Variants in TSPAN15 observed in about 807,000 individuals in gnomAD.
TSPAN15 encodes tetraspanin 15.
In TSPAN15, 20 loss-of-function variants were observed where a neutral mutation model predicts 34.5. The observed-to-expected ratio is 0.58, with a 90% confidence interval of 0.41 to 0.84. The LOEUF is 0.84. Ranked by LOEUF, TSPAN15 falls within the 40% of genes least tolerant of loss-of-function variation. The probability of loss-of-function intolerance (pLI) is 0.00; values close to 1 mark genes in which losing one functional copy is unlikely to be tolerated. For synonymous variants in TSPAN15, 155 were observed against 153.9 expected, an observed-to-expected ratio of 1.01 and a Z score of -0.05; for missense variants, 313 against 386.1, an observed-to-expected ratio of 0.81 and a Z score of 1.59.
the TSPAN15 span, among the ~76,000 whole-genome samples, chr10:69,530,808 CT>C: frequency 1.4e-5 from 1 of 69,118 alleles, no homozygotes; most frequent in African/African-American, 5.6e-5. Flanking sequence ...CTCTCTCTCT[CT>C]CTCTCTCTCT....
intron 1 of TSPAN15, among the ~76,000 whole-genome samples, chr10:69,460,777 C>CGCAGAGAGGAGTGGAGATGAGTCTTA (rs1589622755): frequency 6.6e-6 from 1 of 152,006 alleles, no homozygotes; most frequent in East Asian, 1.9e-4. Flanking sequence ...AGGGAGGCCT[C>CGCAGAGAGGAGTGGAGATGAGTCTTA]GCAGAGAGGA....
intron 4 of TSPAN15, 37 bp downstream of exon 4, chr10:69,495,726 G>A (rs375820546): frequency 2.8e-5 from 41 of 1,439,590 alleles, no homozygotes; most frequent in East Asian, 2.7e-4. Flanking sequence ...TGCGCCTCCC[G>A]TGCTCTTAGC....
At chr10:69,490,458 T>A (rs529699039) in intron 3 of TSPAN15, among the ~76,000 whole-genome samples, 1 of 152,206 alleles carries the variant, frequency 6.6e-6, no homozygotes, top group Non-Finnish European at 1.5e-5. Flanking sequence ...CGGTGGCTCA[T>A]GCTTGTAATC....
Position 69,505,063 on chromosome 10 carries a change from T to C in TSPAN15, c.618+578T>C, listed in dbSNP as rs76776496. 2.9e-3 allele frequency among the ~76,000 whole-genome samples: 441 copies of C among 152,282 alleles called. 14 individuals are homozygous for C. Among genetic ancestry groups the C allele is most frequent in the East Asian group, 0.026 (136 of 5,182 alleles). ...TTCTTGGTATGGGGCTAGTGGGTGATTCTGACACATGCTTGAGAGCCATAG... is the reference window on the plus strand; with the variant it reads ...TTCTTGGTATGGGGCTAGTGGGTGACTCTGACACATGCTTGAGAGCCATAG... On this transcript the variant is annotated intron_variant, in intron 6 of 7. Coordinates refer to ENST00000373290, the MANE Select transcript of TSPAN15 (RefSeq NM_012339.5).
chr10:69,489,216 A>C (rs1331635933), intron 3 of TSPAN15, among the ~76,000 whole-genome samples: 1 of 152,230 alleles, frequency 6.6e-6, no homozygotes, highest in African/African-American at 2.4e-5. Context: ...GGCTGTCTGC[A>C]AGAAGAAAAA....
chr10:69,539,844 C>A, the TSPAN15 span, among the ~76,000 whole-genome samples: 214 of 152,156 alleles, frequency 1.4e-3, 1 homozygote, highest in African/African-American at 4.9e-3. Context: ...GAGTGTACAA[C>A]ACCCTCCTTT....
the TSPAN15 span, chr10:69,523,512 C>A: frequency 2.1e-6 from 1 of 480,652 alleles, no homozygotes; most frequent in Non-Finnish European, 4.0e-6. Flanking sequence ...AGAAGTGGTA[C>A]TTGTTGGCCT....
At chr10:69,531,819 T>G in the TSPAN15 span, among the ~76,000 whole-genome samples, 5 of 151,334 alleles carry the variant, frequency 3.3e-5, no homozygotes, top group African/African-American at 1.2e-4. Context: ...ACTTTACAAT[T>G]AAAACTCAGC....
At chr10:69,492,454 C>G (rs983203412) in intron 3 of TSPAN15, among the ~76,000 whole-genome samples, 5 of 152,154 alleles carry the variant, frequency 3.3e-5, no homozygotes, top group African/African-American at 4.8e-5. Context: ...TGCACACTTG[C>G]AAGAACCAGC....
intron 1 of TSPAN15, among the ~76,000 whole-genome samples, chr10:69,465,144 A>G (rs1213770076): frequency 6.6e-6 from 1 of 152,214 alleles, no homozygotes; most frequent in Non-Finnish European, 1.5e-5. Flanking sequence ...TGGGTGGGGC[A>G]AGCAGGCCTG....
chr10:69,515,728 T>G, the TSPAN15 span, among the ~76,000 whole-genome samples: 1 of 152,180 alleles, frequency 6.6e-6, no homozygotes, highest in South Asian at 2.1e-4. Flanking sequence ...GGAGGGAGCC[T>G]GATTTGCAGT....
intron 1 of TSPAN15, among the ~76,000 whole-genome samples, chr10:69,470,119 G>A (rs1162609738): frequency 2.6e-5 from 4 of 152,132 alleles, no homozygotes; most frequent in Admixed American, 2.6e-4. Flanking sequence ...TGAGTCCTTT[G>A]AAGCCTCCAG....
intron 1 of TSPAN15, among the ~76,000 whole-genome samples, chr10:69,468,411 G>A (rs117853333): frequency 0.011 from 1,695 of 152,256 alleles, 24 homozygotes; most frequent in African/African-American, 0.033. Flanking sequence ...GGCTGGGGTA[G>A]GGCCGAGAGA....
chr10:69,482,865 T>C (rs1045555314), intron 1 of TSPAN15, among the ~76,000 whole-genome samples: 7 of 152,334 alleles, frequency 4.6e-5, no homozygotes, highest in Non-Finnish European at 8.8e-5. Flanking sequence ...CTGCTAGGGC[T>C]GCCATAACAT....
intron 1 of TSPAN15, among the ~76,000 whole-genome samples, chr10:69,454,614 C>T (rs549623643): frequency 6.1e-4 from 92 of 151,156 alleles, no homozygotes; most frequent in Middle Eastern, 3.4e-3. Context: ...CCTGGGAGTT[C>T]GAGACCAGCC....
chr10:69,507,655 T>TTG lies in TSPAN15; in HGVS notation c.*678_*679insGT. On this transcript the variant is annotated 3_prime_UTR_variant, in exon 8 of 8. Transcript: ENST00000373290. ...TTAATCAAACAATAAAAACATGTTT[T>TTG]TTTTTTTTTTTTTTTTTTGCCTTTC... 1.9e-6 allele frequency: 2 copies of TTG among 1,026,982 alleles called. No homozygotes were observed. The highest frequency in any genetic ancestry group is 2.5e-6 in the Non-Finnish European group (2 of 789,656). 63.6% of individuals were successfully genotyped at this position (1,026,982 alleles called of 1,614,324 possible).
At chr10:69,528,371 G>T in the TSPAN15 span, among the ~76,000 whole-genome samples, 1 of 148,654 alleles carries the variant, frequency 6.7e-6, no homozygotes, top group East Asian at 2.5e-4. Context: ...TCCCTAAAGG[G>T]CAGCAGCTCT....
chr10:69,501,052 CAAG>C (rs912178932), intron 5 of TSPAN15, among the ~76,000 whole-genome samples: 1 of 152,136 alleles, frequency 6.6e-6, no homozygotes, highest in African/African-American at 2.4e-5. Flanking sequence ...AGAGAGAAAT[CAAG>C]GAGGATACCC....
At chr10:69,468,126 C>A (rs570250323) in intron 1 of TSPAN15, among the ~76,000 whole-genome samples, 1 of 151,772 alleles carries the variant, frequency 6.6e-6, no homozygotes, top group African/African-American at 2.4e-5. Context: ...GCCCCCCTCC[C>A]CCACGTTCTC....
Sources: gnomAD v4.1 joint callset for allele counts (sites outside exome capture counted in the v4.1 genomes callset) on GRCh38, gnomAD v4.1.1 for gene constraint, MANE v1.5 for transcripts, NCBI Gene and HGNC (gene_info 2026-07-23, HGNC 2026-07-21) for gene names.